The following PAPOLG variants were observed in gnomAD, a reference collection of about 807,000 sequenced individuals.
PAPOLG encodes the protein PAP-gamma.
A neutral mutation model predicts 99.0 loss-of-function variants in PAPOLG; 40 were observed. The observed-to-expected ratio is 0.40, with a 90% confidence interval of 0.31 to 0.53. PAPOLG has a LOEUF of 0.53. PAPOLG is among the 20% of genes least tolerant of loss of function. The pLI is 0.41. For missense variants in PAPOLG, 675 were observed against 884.1 expected (o/e 0.76, Z 3.00); for synonymous variants, 310 against 299.3 (o/e 1.04, Z -0.37).
chr2:60,767,736 C>T (rs185609315), intron 3 of PAPOLG, among the ~76,000 whole-genome samples: 320 of 152,264 alleles, frequency 2.1e-3, no homozygotes, highest in Non-Finnish European at 3.2e-3. Context: ...ATTAAACATA[C>T]CTGTCACAAA....
At chr2:60,780,891 A>G in intron 10 of PAPOLG, 112 bp downstream of exon 10, 1 of 852,324 alleles carries the variant, frequency 1.2e-6, no homozygotes, top group Non-Finnish European at 1.9e-6. Context: ...CTTCTATATA[A>G]CTATAGTCCC....
intron 15 of PAPOLG, among the ~76,000 whole-genome samples, chr2:60,788,167 A>G (rs895523862): frequency 6.6e-6 from 1 of 152,210 alleles, no homozygotes; most frequent in Admixed American, 6.5e-5. Context: ...ATAAATACAC[A>G]TTTGCTTACA....
At chr2:60,786,768 G>C (rs1404736826) in intron 13 of PAPOLG, 179 bp from the exon 14 acceptor site, 1 of 233,358 alleles carries the variant, frequency 4.3e-6, no homozygotes, top group Non-Finnish European at 7.0e-6. Flanking sequence ...GACCTCAGGC[G>C]ATTCACCCAC....
intron 5 of PAPOLG, among the ~76,000 whole-genome samples, chr2:60,770,091 G>T (rs375029259): frequency 1.2e-4 from 18 of 152,264 alleles, no homozygotes; most frequent in African/African-American, 4.1e-4. Flanking sequence ...CAAAGAACAT[G>T]AACTCACTGT....
At chr2:60,793,941 A>T (rs1247784166) in intron 18 of PAPOLG, 30 bp from the exon 19 acceptor site, 1 of 1,584,604 alleles carries the variant, frequency 6.3e-7, no homozygotes, top group East Asian at 2.2e-5. Flanking sequence ...ATAAATGTTT[A>T]ATTATTAAAA....
chr2:60,797,251 T>C lies in PAPOLG; in HGVS notation c.*91T>C. On this transcript the variant is annotated 3_prime_UTR_variant, in exon 22 of 22. Transcript: ENST00000238714. The stretch of plus-strand genomic sequence containing the variant: ...TTTAAATAGAAGTGGCTGTCATACG[T>C]GAAATAAGGTGAAAGTGACAGCCTT... The C allele has an allele frequency of 6.8e-7, 1 of 1,472,158 alleles. No individual in the cohort carries two copies. The highest frequency in any genetic ancestry group is 9.4e-7 in the Non-Finnish European group (1 of 1,063,078). 91.2% of individuals were successfully genotyped at this position (1,472,158 alleles called of 1,614,324 possible).
At position 60,801,696 on chromosome 2, in the gene PAPOLG, C is replaced by G. The variant is rs1439801559; in HGVS notation, c.*4536C>G. On this transcript the variant is annotated 3_prime_UTR_variant, in exon 22 of 22. Transcript: ENST00000238714. ...TCCAGTGATGCACCCGCCTCGGCCT[C>G]CCAAAGTTCTGGGATTACAGGCGTG... is the stretch of plus-strand genomic sequence containing the variant. The G allele has an allele frequency of 6.6e-6, 1 of 152,214 alleles. No individual in the cohort carries two copies. The highest frequency in any genetic ancestry group is 1.5e-5 in the Non-Finnish European group (1 of 68,052). 9.4% of individuals were successfully genotyped at this position (152,214 alleles called of 1,614,324 possible).
intron 21 of PAPOLG, chr2:60,795,311 A>G (rs1279787526): frequency 7.5e-6 from 4 of 536,162 alleles, no homozygotes; most frequent in Non-Finnish European, 1.4e-5. Context: ...TGCTCAGCAC[A>G]TTAATTTCTT....
At chr2:60,758,621 G>T (rs1264699991) in intron 1 of PAPOLG, among the ~76,000 whole-genome samples, 2 of 151,896 alleles carry the variant, frequency 1.3e-5, no homozygotes, top group Non-Finnish European at 2.9e-5. Flanking sequence ...TAGAGACGGG[G>T]TTTCACCATG....
chr2:60,770,516 G>C lies in PAPOLG; in HGVS notation c.492+5G>C. On this transcript the variant is annotated splice_donor_5th_base_variant and intron_variant, in intron 6 of 21. Coordinates refer to ENST00000238714, the MANE Select transcript of PAPOLG (RefSeq NM_022894.4). ...TTTGAATTTGATGGTATTGAAGTAA[G>C]TGTTTAATATTTTTCTGACTTTACA... The C allele has an allele frequency of 6.5e-7, 1 of 1,544,586 alleles. No homozygotes were observed. The highest frequency in any genetic ancestry group is 1.2e-5 in the South Asian group (1 of 84,304).
intron 5 of PAPOLG, 134 bp from the exon 6 acceptor site, chr2:60,770,324 G>T: frequency 1.6e-6 from 1 of 619,442 alleles, no homozygotes; most frequent in Non-Finnish European, 2.5e-6. Flanking sequence ...TTGGTAGTTA[G>T]AAAGGATAAA....
intron 2 of PAPOLG, 42 bp from the exon 3 acceptor site, chr2:60,761,699 C>T: frequency 2.0e-6 from 3 of 1,530,186 alleles, no homozygotes; most frequent in Non-Finnish European, 2.7e-6. Flanking sequence ...ACTGTTTGTT[C>T]ATTTGTTTGT....
chr2:60,795,071 G>GGTAATCT, intron 21 of PAPOLG, 51 bp downstream of exon 21: 3 of 1,463,518 alleles, frequency 2.0e-6, no homozygotes, highest in Non-Finnish European at 2.8e-6. Flanking sequence ...AAAACTCATA[G>GGTAATCT]GTAATCTACA....
chr2:60,795,505 A>G (rs571310855), intron 21 of PAPOLG, among the ~76,000 whole-genome samples: 20 of 152,284 alleles, frequency 1.3e-4, no homozygotes, highest in Admixed American at 4.6e-4. Context: ...TATTATTTGA[A>G]GAATTACTTT....
chr2:60,794,686 T>C, intron 19 of PAPOLG, 24 bp from the exon 20 acceptor site: 1 of 1,594,856 alleles, frequency 6.3e-7, no homozygotes, highest in Non-Finnish European at 8.6e-7. Flanking sequence ...ATAATAGCAA[T>C]CTATTTCAAT....
At chr2:60,769,149 C>G (rs1250692278) in intron 5 of PAPOLG, among the ~76,000 whole-genome samples, 1 of 152,072 alleles carries the variant, frequency 6.6e-6, no homozygotes, top group Non-Finnish European at 1.5e-5. Flanking sequence ...AGCCTGTTTC[C>G]TGATCTGTAA....
chr2:60,783,228 G>T lies in PAPOLG; in HGVS notation c.1166+19G>T. 6.8e-7 allele frequency: 1 copy of T among 1,478,168 alleles called. No individual in the cohort carries two copies. 91.6% of individuals were successfully genotyped at this position (1,478,168 alleles called of 1,614,324 possible). On this transcript the variant is annotated intron_variant, in intron 13 of 21. Transcript: ENST00000238714. ...TAGAGTGGTAAGACTTCTATTTCAAGTTTTCTACCTACTGTGTGGTGATAG... is the reference window on the plus strand; with the variant it reads ...TAGAGTGGTAAGACTTCTATTTCAATTTTTCTACCTACTGTGTGGTGATAG...
intron 8 of PAPOLG, 54 bp downstream of exon 8, chr2:60,775,177 C>A: frequency 6.5e-7 from 1 of 1,548,648 alleles, no homozygotes; most frequent in Admixed American, 2.1e-5. Context: ...TTTTCTCTTG[C>A]CAGTGAAAGA....
At chr2:60,762,949 T>C (rs1483182587) in intron 3 of PAPOLG, among the ~76,000 whole-genome samples, 1 of 151,668 alleles carries the variant, frequency 6.6e-6, no homozygotes, top group Non-Finnish European at 1.5e-5. Flanking sequence ...ATTATTTTAT[T>C]TTATTTTTTT....
Sources: gnomAD v4.1 joint callset for allele counts (sites outside exome capture counted in the v4.1 genomes callset) on GRCh38, gnomAD v4.1.1 for gene constraint, MANE v1.5 for transcripts, NCBI Gene and HGNC (gene_info 2026-07-23, HGNC 2026-07-21) for gene names.